The following SPOCK1 variants were observed in gnomAD, a reference collection of about 807,000 sequenced individuals.
SPOCK1 encodes SPARC (osteonectin), cwcv and kazal like domains proteoglycan 1, also known as testican-1.
SPOCK1 carries 23 observed loss-of-function variants against 55.3 expected under a neutral mutation model. That is an observed-to-expected ratio of 0.42 (90% CI 0.30 to 0.59). The LOEUF (loss-of-function observed/expected upper bound fraction) is 0.59. Ranked by LOEUF, SPOCK1 falls within the 20% of genes least tolerant of loss-of-function variation. The pLI is 0.22. For synonymous variants in SPOCK1, 226 were observed against 221.0 expected (o/e 1.02, Z -0.20); for missense variants, 499 against 552.5 (o/e 0.90, Z 0.97).
At chr5:137,222,958 A>C (rs1169514453) in intron 3 of SPOCK1, among the ~76,000 whole-genome samples, 1 of 152,178 alleles carries the variant, frequency 6.6e-6, no homozygotes, top group Non-Finnish European at 1.5e-5. Flanking sequence ...GGGGAGAGGC[A>C]ATTAGGAAAA....
At chr5:137,081,894 G>A (rs1226149771) in intron 5 of SPOCK1, among the ~76,000 whole-genome samples, 1 of 152,176 alleles carries the variant, frequency 6.6e-6, no homozygotes, top group African/African-American at 2.4e-5. Flanking sequence ...CTCTGATGAT[G>A]GAGCTGAGGT....
chr5:137,428,828 C>T lies in SPOCK1; in HGVS notation c.186+69545G>A, dbSNP rs116757838. The stretch of plus-strand genomic sequence containing the variant: ...ACACTAAATCCTATCCATTCTGCCT[C>T]CTGAGTTTCTCTCAAGCCCTTCAGC... On this transcript the variant is annotated intron_variant, in intron 2 of 10. Transcript: ENST00000394945. 7.8e-3 allele frequency among the ~76,000 whole-genome samples: 1,184 copies of T among 152,318 alleles called. 19 individuals are homozygous for T. Among genetic ancestry groups the T allele is most frequent in the Middle Eastern group, 0.017 (5 of 294 alleles).
Position 137,470,119 on chromosome 5 carries a change from G to T in SPOCK1, c.186+28254C>A, listed in dbSNP as rs192682306. ...TGAGACCACAGATGGCCTGCATGATGTTTGTGGCACTCACCTGGGCTCTGC... is the reference window on the plus strand; with the variant it reads ...TGAGACCACAGATGGCCTGCATGATTTTTGTGGCACTCACCTGGGCTCTGC... On this transcript the variant is annotated intron_variant, in intron 2 of 10. Transcript: ENST00000394945. Among the ~76,000 whole-genome samples the T allele has an allele frequency of 9.9e-5, 15 of 152,260 alleles. No homozygotes were observed. In the East Asian group the frequency reaches 1.9e-3, roughly 20 times the overall value.
chr5:137,227,182 T>C (rs1755962718), intron 3 of SPOCK1, among the ~76,000 whole-genome samples: 1 of 152,184 alleles, frequency 6.6e-6, no homozygotes, highest in Non-Finnish European at 1.5e-5. Context: ...ACTACAGTAC[T>C]TTTCCCTTAG....
At chr5:137,485,708 T>C (rs1177961622) in intron 2 of SPOCK1, among the ~76,000 whole-genome samples, 1 of 151,898 alleles carries the variant, frequency 6.6e-6, no homozygotes, top group Non-Finnish European at 1.5e-5. Flanking sequence ...TATACTGCAA[T>C]GAAAATTTTA....
intron 6 of SPOCK1, among the ~76,000 whole-genome samples, chr5:137,043,055 A>G (rs1338430635): frequency 6.6e-6 from 1 of 152,134 alleles, no homozygotes; most frequent in Non-Finnish European, 1.5e-5. Context: ...GGGATACTAA[A>G]TACACAAGAT....
At chr5:137,044,219 G>T (rs1752059897) in intron 6 of SPOCK1, among the ~76,000 whole-genome samples, 1 of 152,166 alleles carries the variant, frequency 6.6e-6, no homozygotes, top group Non-Finnish European at 1.5e-5. Flanking sequence ...CGCATCAGGA[G>T]TTCACCAGAC....
At chr5:137,003,521 AG>A (rs1293172565) in intron 6 of SPOCK1, among the ~76,000 whole-genome samples, 2 of 152,200 alleles carry the variant, frequency 1.3e-5, no homozygotes, top group African/African-American at 4.8e-5. Flanking sequence ...CTTCTGACAA[AG>A]GTAGCACCGC....
chr5:137,296,674 T>C (rs1223215702), intron 2 of SPOCK1, among the ~76,000 whole-genome samples: 2 of 152,188 alleles, frequency 1.3e-5, no homozygotes, highest in African/African-American at 4.8e-5. Context: ...AATCACAGTT[T>C]AGGGCTTTCC....
chr5:137,479,770 T>A (rs1228319688), intron 2 of SPOCK1, among the ~76,000 whole-genome samples: 5 of 152,230 alleles, frequency 3.3e-5, no homozygotes, highest in Non-Finnish European at 7.3e-5. Flanking sequence ...TTTGTTGTTT[T>A]AAGCAAAAGT....
At chr5:137,014,827 T>A (rs899663529) in intron 6 of SPOCK1, among the ~76,000 whole-genome samples, 1 of 152,192 alleles carries the variant, frequency 6.6e-6, no homozygotes, top group African/African-American at 2.4e-5. Context: ...TGTGTAATGA[T>A]GTGAAAACCG....
chr5:137,372,557 T>G (rs1019479449), intron 2 of SPOCK1, among the ~76,000 whole-genome samples: 2 of 152,188 alleles, frequency 1.3e-5, no homozygotes, highest in African/African-American at 4.8e-5. Flanking sequence ...AGCACCCAAC[T>G]GATGTCAGAG....
chr5:137,272,338 A>T (rs1756979807), intron 2 of SPOCK1, among the ~76,000 whole-genome samples: 1 of 152,228 alleles, frequency 6.6e-6, no homozygotes, highest in Non-Finnish European at 1.5e-5. Context: ...AAGTCACCAG[A>T]AAAGTGAGAT....
chr5:136,996,524 C>T (rs1751042315), intron 6 of SPOCK1, among the ~76,000 whole-genome samples: 1 of 152,134 alleles, frequency 6.6e-6, no homozygotes, highest in Non-Finnish European at 1.5e-5. Flanking sequence ...TCCCTCCCGC[C>T]CTCCATCCTG....
intron 2 of SPOCK1, among the ~76,000 whole-genome samples, chr5:137,452,282 CT>C (rs905871923): frequency 4.6e-5 from 7 of 152,236 alleles, no homozygotes; most frequent in African/African-American, 1.4e-4. Flanking sequence ...ATTAGATGAG[CT>C]TTTTTGCCAA....
Position 136,978,587 on chromosome 5 carries a change from T to C in SPOCK1, c.*67A>G. ...GACCTTGGTGCCTTGGAGTCTTAGA[T>C]ACAAATGCAGGAATAGGAAGTGACT... On this transcript the variant is annotated 3_prime_UTR_variant, in exon 11 of 11. Coordinates refer to ENST00000394945, the MANE Select transcript of SPOCK1 (RefSeq NM_004598.4). 1 of 1,524,218 alleles carries C rather than the reference T, an allele frequency of 6.6e-7. No homozygotes were observed. The highest frequency in any genetic ancestry group is 8.8e-7 in the Non-Finnish European group (1 of 1,132,158). 94.4% of individuals were successfully genotyped at this position (1,524,218 alleles called of 1,614,324 possible). A position where few individuals can be genotyped will look rare whatever the true frequency, so the allele number is the denominator to read the frequency against.
chr5:137,321,804 A>G (rs1425403591), intron 2 of SPOCK1, among the ~76,000 whole-genome samples: 2 of 152,066 alleles, frequency 1.3e-5, no homozygotes, highest in Non-Finnish European at 2.9e-5. Flanking sequence ...CTTGAACCCC[A>G]GTGGCAGAGG....
chr5:137,407,716 C>CT (rs1561527540), intron 2 of SPOCK1, among the ~76,000 whole-genome samples: 1 of 152,140 alleles, frequency 6.6e-6, no homozygotes, highest in African/African-American at 2.4e-5. Flanking sequence ...TCATTCTCCC[C>CT]CCAACACAAA....
intron 2 of SPOCK1, among the ~76,000 whole-genome samples, chr5:137,294,380 T>C (rs1293868130): frequency 6.6e-6 from 1 of 152,198 alleles, no homozygotes; most frequent in Middle Eastern, 3.2e-3. Context: ...AGTTACGTTT[T>C]ATAGGTGAAG....
Sources: allele counts gnomAD v4.1 joint callset (sites outside exome capture counted in the v4.1 genomes callset), GRCh38; gene constraint gnomAD v4.1.1; transcripts MANE v1.5; gene names NCBI Gene and HGNC (gene_info 2026-07-23, HGNC 2026-07-21).